Variants in RAB10 observed in about 807,000 individuals in gnomAD.
The protein encoded by RAB10 is ras-related protein Rab-10.
RAB10 carries 5 observed loss-of-function variants against 25.7 expected under a neutral mutation model. That is an observed-to-expected ratio of 0.19 (90% CI 0.10 to 0.41). The LOEUF (loss-of-function observed/expected upper bound fraction) is 0.41. Among genes scored for constraint, RAB10 ranks in the 10% least tolerant of loss-of-function variants. The probability of loss-of-function intolerance (pLI) is 1.00; values close to 1 mark genes in which losing one functional copy is unlikely to be tolerated. For missense variants in RAB10, 103 were observed against 245.8 expected (o/e 0.42, Z 3.89); for synonymous variants, 89 against 86.4 (o/e 1.03, Z -0.16).
rs558559014 is a variant in RAB10 at position 26,071,654 on chromosome 2, A to G, written c.128-27008A>G. On this transcript the variant is annotated intron_variant, in intron 1 of 5. Transcript: ENST00000264710. ...GGTGAGCCAAGATGGCACCACTGCA[A>G]CTCCAGCCTGGGTGACAGAGTGAGA... Among the ~76,000 whole-genome samples, 67 of 150,286 alleles carry G rather than the reference A, an allele frequency of 4.5e-4. No individual in the cohort carries two copies. In the South Asian group the frequency reaches 0.013, roughly 29 times the overall value.
intron 3 of RAB10, among the ~76,000 whole-genome samples, chr2:26,116,441 G>A (rs756196751): frequency 3.3e-4 from 50 of 151,948 alleles, no homozygotes; most frequent in Non-Finnish European, 1.0e-4. Flanking sequence ...CACAGGGCTG[G>A]CTGCAGGACT....
intron 2 of RAB10, among the ~76,000 whole-genome samples, chr2:26,100,660 C>T (rs1667322406): frequency 6.6e-6 from 1 of 152,048 alleles, no homozygotes; most frequent in South Asian, 2.1e-4. Context: ...GGCAGAGACC[C>T]CAGATTTCAT....
intron 1 of RAB10, among the ~76,000 whole-genome samples, chr2:26,054,009 CTTTCTTTTTT>C (rs887374556): frequency 2.9e-5 from 3 of 104,858 alleles, no homozygotes; most frequent in African/African-American, 1.0e-4. Context: ...GCTTCTTTTT[CTTTCTTTTTT>C]TTTTTTTTCC....
chr2:26,038,969 G>A (rs1379941304), intron 1 of RAB10, among the ~76,000 whole-genome samples: 49 of 144,994 alleles, frequency 3.4e-4, no homozygotes, highest in Non-Finnish European at 3.2e-4. Context: ...AACCAGTGCC[G>A]TTCAAAAGAA....
intron 3 of RAB10, among the ~76,000 whole-genome samples, chr2:26,111,594 G>A (rs1667572948): frequency 7.9e-6 from 1 of 126,812 alleles, no homozygotes; most frequent in Non-Finnish European, 1.6e-5. Flanking sequence ...CAACAAGAGC[G>A]AAACTCCATC....
chr2:26,072,131 G>A (rs1666639877), intron 1 of RAB10, among the ~76,000 whole-genome samples: 1 of 152,084 alleles, frequency 6.6e-6, no homozygotes, highest in East Asian at 1.9e-4. Flanking sequence ...TAATATAATA[G>A]AACATGGCTG....
At chr2:26,127,317 C>A in intron 4 of RAB10, 84 bp downstream of exon 4, 2 of 976,768 alleles carry the variant, frequency 2.0e-6, no homozygotes, top group South Asian at 3.0e-5. Context: ...TAATAGTGAT[C>A]GAACACACTA....
At chr2:26,106,263 G>T (rs1019614373) in intron 2 of RAB10, among the ~76,000 whole-genome samples, 1 of 152,166 alleles carries the variant, frequency 6.6e-6, no homozygotes, top group Non-Finnish European at 1.5e-5. Context: ...ATTTATATGG[G>T]AAGGCTAGGG....
At chr2:26,104,544 T>A (rs1667429008) in intron 2 of RAB10, among the ~76,000 whole-genome samples, 4 of 152,198 alleles carry the variant, frequency 2.6e-5, no homozygotes, top group Admixed American at 2.6e-4. Context: ...CTTTTCACCT[T>A]GTATTGTTCG....
chr2:26,085,648 C>T (rs1309254759), intron 1 of RAB10, among the ~76,000 whole-genome samples: 2 of 151,856 alleles, frequency 1.3e-5, no homozygotes, highest in Admixed American at 6.6e-5. Flanking sequence ...AAAGACGGTA[C>T]AGAATGGAAG....
chr2:26,053,709 G>A (rs1666183092), intron 1 of RAB10, among the ~76,000 whole-genome samples: 1 of 150,404 alleles, frequency 6.6e-6, no homozygotes, highest in Non-Finnish European at 1.5e-5. Context: ...TAATGGACAA[G>A]TGTATATTTC....
At chr2:26,088,783 C>T (rs1667041927) in intron 1 of RAB10, among the ~76,000 whole-genome samples, 1 of 152,010 alleles carries the variant, frequency 6.6e-6, no homozygotes, top group African/African-American at 2.4e-5. Context: ...CGCCACCATA[C>T]CCAGCCAATT....
At chr2:26,060,929 G>A (rs1030182878) in intron 1 of RAB10, among the ~76,000 whole-genome samples, 1 of 151,840 alleles carries the variant, frequency 6.6e-6, no homozygotes, top group African/African-American at 2.4e-5. Flanking sequence ...TTGAAAAATA[G>A]CTTCTAGATG....
chr2:26,057,730 C>G (rs1666299105), intron 1 of RAB10, among the ~76,000 whole-genome samples: 1 of 152,036 alleles, frequency 6.6e-6, no homozygotes, highest in South Asian at 2.1e-4. Context: ...TCAAGTGATT[C>G]TCTCACCTCT....
chr2:26,119,831 A>G (rs989387721), intron 3 of RAB10, among the ~76,000 whole-genome samples: 2 of 152,176 alleles, frequency 1.3e-5, no homozygotes, highest in African/African-American at 4.8e-5. Flanking sequence ...CTTACTTTCA[A>G]ATATATTTTT....
intron 2 of RAB10, 76 bp downstream of exon 2, chr2:26,098,798 A>G: frequency 1.6e-6 from 2 of 1,265,662 alleles, no homozygotes; most frequent in South Asian, 1.4e-5. Flanking sequence ...CTTTTTTGTC[A>G]CAGGTTTAGA....
intron 1 of RAB10, among the ~76,000 whole-genome samples, chr2:26,052,155 ATTGT>A (rs1666152859): frequency 6.6e-6 from 1 of 151,908 alleles, no homozygotes; most frequent in Admixed American, 6.6e-5. Flanking sequence ...AGACAGGAGG[ATTGT>A]TTGAGCCCAG....
chr2:26,060,623 T>A (rs1282331960), intron 1 of RAB10, among the ~76,000 whole-genome samples: 1 of 152,164 alleles, frequency 6.6e-6, no homozygotes, highest in Non-Finnish European at 1.5e-5. Context: ...AAATTGTATA[T>A]CCTTATTTTG....
At chr2:26,116,548 GTTTTTTTTTTTT>G (rs70950170) in intron 3 of RAB10, among the ~76,000 whole-genome samples, 1 of 62,636 alleles carries the variant, frequency 1.6e-5, no homozygotes, top group Non-Finnish European at 2.8e-5. Flanking sequence ...TCTGTCTTGT[GTTTTTTTTTTTT>G]TTTTTTTTTT....
Sources: gnomAD v4.1 joint callset for allele counts (sites outside exome capture counted in the v4.1 genomes callset) on GRCh38, gnomAD v4.1.1 for gene constraint, MANE v1.5 for transcripts, NCBI Gene and HGNC (gene_info 2026-07-23, HGNC 2026-07-21) for gene names.